Variants in CACNA2D1 observed in about 807,000 individuals in gnomAD.
CACNA2D1 encodes the protein voltage-dependent calcium channel subunit alpha-2/delta-1.
In CACNA2D1, 53 loss-of-function variants were observed where a neutral mutation model predicts 171.5. The observed-to-expected ratio is 0.31, with a 90% confidence interval of 0.25 to 0.39. CACNA2D1 has a LOEUF of 0.39. Among genes scored for constraint, CACNA2D1 ranks in the 10% least tolerant of loss-of-function variants. CACNA2D1 has a pLI of 1.00. For synonymous variants in CACNA2D1, 442 were observed against 443.1 expected (o/e 1.00, Z 0.03); for missense variants, 903 against 1,299.8 (o/e 0.69, Z 4.69).
At chr7:82,083,479 G>A (rs1351890186) in intron 7 of CACNA2D1, among the ~76,000 whole-genome samples, 3 of 151,592 alleles carry the variant, frequency 2.0e-5, no homozygotes, top group Non-Finnish European at 4.4e-5. Context: ...TCTGATAATA[G>A]TATTTAACAT....
intron 7 of CACNA2D1, among the ~76,000 whole-genome samples, chr7:82,079,618 G>A (rs528879087): frequency 1.4e-4 from 22 of 151,926 alleles, no homozygotes; most frequent in South Asian, 1.0e-3. Context: ...CTCGAACCCA[G>A]GGGGCAGAGG....
rs1802099256 is a variant in CACNA2D1, at chr7:82,027,620, C to A, written c.1143+5177G>T. 3 of 151,774 alleles carry A rather than the reference C, an allele frequency of 2.0e-5. No homozygotes were observed. In the South Asian group the frequency reaches 6.2e-4, roughly 31 times the overall value. The allele number at this position is 151,774 out of a possible 1,614,324, so 9.4% of individuals were successfully genotyped here. A position where few individuals can be genotyped will look rare whatever the true frequency, so the allele number is the denominator to read the frequency against. ...ATCATATGTGTGTACAGGTATATCT[C>A]ATTTTATCATGGTTCTTTGTTGCAT... On this transcript the variant is annotated intron_variant, in intron 12 of 38. Transcript: ENST00000356860.
intron 10 of CACNA2D1, among the ~76,000 whole-genome samples, chr7:82,059,429 C>G (rs1200835820): frequency 6.6e-6 from 1 of 151,864 alleles, no homozygotes; most frequent in Non-Finnish European, 1.5e-5. Flanking sequence ...GAAAAACATA[C>G]TATAAAAACA....
chr7:82,197,198 T>C (rs1370155378), intron 3 of CACNA2D1, among the ~76,000 whole-genome samples: 1 of 151,950 alleles, frequency 6.6e-6, no homozygotes, highest in African/African-American at 2.4e-5. Context: ...ATTAGGAACA[T>C]TGTTATTGTG....
In CACNA2D1 at chr7:82,089,128, A is replaced by G. The variant is rs567180963; in HGVS notation, c.527-4228T>C. 1.2e-4 allele frequency among the ~76,000 whole-genome samples: 19 copies of G among 152,280 alleles called. 1 individual carries two copies. The highest frequency in any genetic ancestry group is 4.6e-4 in the African/African-American group (19 of 41,556). ...TGTTCTATATGATATTATTTATTATATATTGACAGTTGCCCTCTTTTTCCT... is the reference window on the plus strand; with the variant it reads ...TGTTCTATATGATATTATTTATTATGTATTGACAGTTGCCCTCTTTTTCCT... On this transcript the variant is annotated intron_variant, in intron 6 of 38. Transcript: ENST00000356860.
At chr7:82,077,548 C>T (rs1416047430) in intron 7 of CACNA2D1, among the ~76,000 whole-genome samples, 1 of 152,156 alleles carries the variant, frequency 6.6e-6, no homozygotes, top group Non-Finnish European at 1.5e-5. Flanking sequence ...CTCTGATTGA[C>T]ATGAGTAAAA....
intron 7 of CACNA2D1, among the ~76,000 whole-genome samples, chr7:82,075,065 A>G (rs991081615): frequency 1.3e-5 from 2 of 151,944 alleles, no homozygotes; most frequent in African/African-American, 2.4e-5. Flanking sequence ...CCCTGTGTCC[A>G]TGTGTCCTCA....
chr7:82,426,267 T>A (rs951916519), intron 1 of CACNA2D1, among the ~76,000 whole-genome samples: 1 of 152,134 alleles, frequency 6.6e-6, no homozygotes, highest in Non-Finnish European at 1.5e-5. Flanking sequence ...CTGATTCACA[T>A]CTTTTTTGTA....
chr7:81,970,823 A>G lies in CACNA2D1; in HGVS notation c.2142-86T>C, dbSNP rs181263326. ...GGTGTTGGTGATACAAAGAGAAGTA[A>G]GTTTAGGAAGTAAAGGAAATATATC... On this transcript the variant is annotated intron_variant, in intron 26 of 38. Transcript: ENST00000356860. The G allele has an allele frequency of 2.2e-3, 1,726 of 796,942 alleles. 4 individuals are homozygous for G. The highest frequency in any genetic ancestry group is 3.3e-3 in the Non-Finnish European group (1,445 of 438,050). The allele number at this position is 796,942 out of a possible 1,614,324, so 49.4% of individuals were successfully genotyped here. A position where few individuals can be genotyped will look rare whatever the true frequency, so the allele number is the denominator to read the frequency against.
intron 1 of CACNA2D1, among the ~76,000 whole-genome samples, chr7:82,426,279 C>A (rs1829180822): frequency 6.6e-6 from 1 of 151,544 alleles, no homozygotes; most frequent in African/African-American, 2.4e-5. Flanking sequence ...TTTTTTGTAT[C>A]CACGTTGAGG....
chr7:82,227,087 T>C (rs1469375537), intron 3 of CACNA2D1, among the ~76,000 whole-genome samples: 1 of 152,232 alleles, frequency 6.6e-6, no homozygotes, highest in African/African-American at 2.4e-5. Context: ...AAGGTGTTAT[T>C]ATAGAGATCA....
intron 1 of CACNA2D1, among the ~76,000 whole-genome samples, chr7:82,362,429 T>C (rs1393843551): frequency 6.6e-6 from 1 of 152,130 alleles, no homozygotes; most frequent in Non-Finnish European, 1.5e-5. Flanking sequence ...ATATTCTCTC[T>C]CAAAATGTTC....
At chr7:82,334,564 C>A (rs1817755501) in intron 3 of CACNA2D1, among the ~76,000 whole-genome samples, 1 of 151,990 alleles carries the variant, frequency 6.6e-6, no homozygotes, top group South Asian at 2.1e-4. Context: ...ATGGAGAAAA[C>A]CAAGTAGCTG....
At chr7:82,218,451 C>A (rs1328769745) in intron 3 of CACNA2D1, among the ~76,000 whole-genome samples, 3 of 152,144 alleles carry the variant, frequency 2.0e-5, no homozygotes, top group Non-Finnish European at 4.4e-5. Context: ...TAGGAAACAG[C>A]AAAGTGATTT....
chr7:82,172,616 C>CTTTTTTTTTTTTTT (rs55737158), intron 3 of CACNA2D1, among the ~76,000 whole-genome samples: 6 of 64,510 alleles, frequency 9.3e-5, no homozygotes, highest in African/African-American at 4.5e-4. Flanking sequence ...AGAAACCCGG[C>CTTTTTTTTTTTTTT]TTTTTTTTTT....
At chr7:82,188,079 C>A (rs1011665490) in intron 3 of CACNA2D1, among the ~76,000 whole-genome samples, 1 of 152,142 alleles carries the variant, frequency 6.6e-6, no homozygotes, top group Non-Finnish European at 1.5e-5. Flanking sequence ...TCTCTGGGGT[C>A]TCTTTATAAG....
chr7:82,075,252 T>A (rs1044640816), intron 7 of CACNA2D1, among the ~76,000 whole-genome samples: 16 of 151,936 alleles, frequency 1.1e-4, no homozygotes, highest in African/African-American at 3.9e-4. Context: ...CAAAGTGGAT[T>A]ACTGGTAATA....
intron 3 of CACNA2D1, among the ~76,000 whole-genome samples, chr7:82,333,586 C>T (rs1393671570): frequency 6.6e-6 from 1 of 151,864 alleles, no homozygotes. Context: ...AGACCCGCCC[C>T]CATGATTCAA....
intron 3 of CACNA2D1, among the ~76,000 whole-genome samples, chr7:82,299,309 G>A (rs61261206): frequency 0.025 from 3,821 of 152,012 alleles, 152 homozygotes; most frequent in African/African-American, 0.088. Flanking sequence ...ATTGTTTTGG[G>A]TATTTTGCAA....
Sources: allele counts gnomAD v4.1 joint callset (sites outside exome capture counted in the v4.1 genomes callset), GRCh38; gene constraint gnomAD v4.1.1; transcripts MANE v1.5; gene names NCBI Gene and HGNC (gene_info 2026-07-23, HGNC 2026-07-21).